Variants in B3GALNT2 observed in about 807,000 individuals in gnomAD.
B3GALNT2 encodes the protein beta-1,3-N-acetylgalactosaminyltransferase 2.
B3GALNT2 carries 53 observed loss-of-function variants against 61.1 expected under a neutral mutation model. The ratio of observed to expected loss-of-function variants is 0.87; its 90% CI spans 0.70 to 1.09. B3GALNT2 has a LOEUF of 1.09. Ranked by LOEUF, B3GALNT2 falls within the 50% of genes least tolerant of loss-of-function variation. The pLI is 0.00. For synonymous variants in B3GALNT2, 223 were observed against 237.4 expected, an observed-to-expected ratio of 0.94 and a Z score of 0.56; for missense variants, 544 against 623.0, an observed-to-expected ratio of 0.87 and a Z score of 1.35.
chr1:235,503,099 G>A (rs1469320389), intron 1 of B3GALNT2, among the ~76,000 whole-genome samples: 1 of 152,228 alleles, frequency 6.6e-6, no homozygotes, highest in African/African-American at 2.4e-5. Flanking sequence ...TTTGAGGATT[G>A]CCGAATACTT....
intron 2 of B3GALNT2, among the ~76,000 whole-genome samples, chr1:235,491,075 G>A (rs529903059): frequency 6.9e-6 from 1 of 144,894 alleles, no homozygotes; most frequent in South Asian, 2.1e-4. Flanking sequence ...CCACTACAGA[G>A]TGAATAGTTA....
At chr1:235,446,457 G>A (rs910869208), downstream of B3GALNT2, among the ~76,000 whole-genome samples, 1 of 151,998 alleles carries the variant, frequency 6.6e-6, no homozygotes, top group African/African-American at 2.4e-5. Flanking sequence ...GATTACAGGC[G>A]TGAGCCACTG....
In B3GALNT2 at chr1:235,449,020, C is replaced by T. The variant is rs566587741; in HGVS notation, c.*1186G>A. The T allele has an allele frequency of 5.2e-6, 2 of 384,404 alleles. No homozygotes were observed. The highest frequency in any genetic ancestry group is 6.1e-5 in the East Asian group (1 of 16,346). The allele number at this position is 384,404 out of a possible 1,614,324, so 23.8% of individuals were successfully genotyped here. On this transcript the variant is annotated 3_prime_UTR_variant, in exon 12 of 12. Transcript: ENST00000366600. Reference sequence around the variant, plus strand: ...ATTTTTACAGCTCATCACTGCATTTCATGATAAGATTTAAATATTAAATAG... The same window carrying T: ...ATTTTTACAGCTCATCACTGCATTTTATGATAAGATTTAAATATTAAATAG...
chr1:235,484,412 G>A lies in B3GALNT2; in HGVS notation c.465C>T (p.Ile155=), dbSNP rs138058326. The change falls in exon 4 of 12, where the codon ATC becomes ATT. Residue 155 remains isoleucine (I), a synonymous_variant. Transcript: ENST00000366600. ...AGAACACTCCAAGACTGGTAATAAC[G>A]ATGGGGTAGAGAACTCGGAAACTCA... ...VSVSFRVLYP[I]VITSLGVFYD... 4.1e-4 allele frequency: 665 copies of A among 1,614,180 alleles called. 5 individuals are homozygous for A. Among genetic ancestry groups the A allele is most frequent in the Middle Eastern group, 2.5e-3 (15 of 6,060 alleles).
Position 235,454,256 on chromosome 1 carries a change from C to G in B3GALNT2, c.1211G>C (p.Ser404Thr), listed in dbSNP as rs757947010. 3.7e-6 allele frequency: 6 copies of G among 1,613,118 alleles called. No individual in the cohort carries two copies. Among genetic ancestry groups the G allele is most frequent in the Non-Finnish European group, 5.1e-6 (6 of 1,179,274 alleles). ...TGKWQELEYP[S>T]PAYPAFACGS... Reference sequence around the variant, plus strand: ...ACATGCAAAGGCAGGGTAAGCGGGGCTCGGGTACTCCAACTCCTGCCACTT... The same window carrying G: ...ACATGCAAAGGCAGGGTAAGCGGGGGTCGGGTACTCCAACTCCTGCCACTT... Residue 404 changes from serine (S) to threonine (T), a missense_variant, in exon 10 of 12, where the codon AGC becomes ACC. Coordinates refer to ENST00000366600, the MANE Select transcript of B3GALNT2 (RefSeq NM_152490.5).
In B3GALNT2 at chr1:235,448,734, A is replaced by ATGGAGATTGTCTATT; in HGVS notation, c.*1457_*1471dup. 6.2e-7 allele frequency: 1 copy of ATGGAGATTGTCTATT among 1,614,024 alleles called. No individual in the cohort carries two copies. The highest frequency in any genetic ancestry group is 8.5e-7 in the Non-Finnish European group (1 of 1,179,910). On this transcript the variant is annotated 3_prime_UTR_variant, in exon 12 of 12. Coordinates refer to ENST00000366600, the MANE Select transcript of B3GALNT2 (RefSeq NM_152490.5). ...TCATTACAGTTTTATTCTGTGGAAAATGGAGATTGTCTATTAGTGCGATGG... is the reference window on the plus strand; with the variant it reads ...TCATTACAGTTTTATTCTGTGGAAAATGGAGATTGTCTATTTGGAGATTGTCTATTAGTGCGATGG...
downstream of B3GALNT2, among the ~76,000 whole-genome samples, chr1:235,445,546 G>A (rs537687371): frequency 3.3e-4 from 50 of 152,156 alleles, no homozygotes; most frequent in Non-Finnish European, 6.2e-4. Flanking sequence ...TGAGGTGGGA[G>A]GATCACTTGA....
At chr1:235,465,523 TA>T in intron 7 of B3GALNT2, 112 bp downstream of exon 7, 1 of 1,461,766 alleles carries the variant, frequency 6.8e-7, no homozygotes, top group Non-Finnish European at 9.2e-7. Flanking sequence ...GGGTGAATTT[TA>T]TCTGAATAAA....
chr1:235,493,226 G>C (rs1392376375), intron 2 of B3GALNT2, among the ~76,000 whole-genome samples: 1 of 152,142 alleles, frequency 6.6e-6, no homozygotes, highest in Non-Finnish European at 1.5e-5. Context: ...CTGATGGATT[G>C]GATGTGGCAG....
At chr1:235,450,659 A>C (rs1682842827) in intron 11 of B3GALNT2, 1 of 292,080 alleles carries the variant, frequency 3.4e-6, no homozygotes, top group Non-Finnish European at 6.7e-6. Flanking sequence ...AGGTGTGTCT[A>C]TGGCAGTATT....
At position 235,492,859 on chromosome 1, in the gene B3GALNT2, G is replaced by A. The variant is rs916493996; in HGVS notation, c.260+1822C>T. On this transcript the variant is annotated intron_variant, in intron 2 of 11. Transcript: ENST00000366600. ...GACGTAGGAAATGCAAAGGCCCTGA[G>A]GTAGGGGCACTTTTAGTGTATGAAA... Among the ~76,000 whole-genome samples the A allele has an allele frequency of 1.1e-4, 16 of 152,284 alleles. No homozygotes were observed. The South Asian group carries it at 1.2e-3, about 12-fold the overall frequency.
At chr1:235,469,920 CAG>C (rs1442964349) in intron 6 of B3GALNT2, among the ~76,000 whole-genome samples, 3 of 151,078 alleles carry the variant, frequency 2.0e-5, no homozygotes, top group Non-Finnish European at 4.4e-5. Context: ...TGTTTTGAGA[CAG>C]AGTCTCACTC....
chr1:235,477,586 T>C (rs746081724), intron 5 of B3GALNT2, among the ~76,000 whole-genome samples: 1 of 147,562 alleles, frequency 6.8e-6, no homozygotes. Context: ...TCAGCACCAA[T>C]GACATTTTGG....
chr1:235,440,607 T>A, the B3GALNT2 span, among the ~76,000 whole-genome samples: 1 of 151,676 alleles, frequency 6.6e-6, no homozygotes, highest in Non-Finnish European at 1.5e-5. Context: ...TTGGCCAGGC[T>A]GGTCTCAAAC....
At position 235,458,713 on chromosome 1, in the gene B3GALNT2, C is replaced by T; in HGVS notation, c.915G>A (p.Glu305=). The T allele has an allele frequency of 6.2e-7, 1 of 1,613,086 alleles. No individual in the cohort carries two copies. Among genetic ancestry groups the T allele is most frequent in the South Asian group, 1.1e-5 (1 of 90,840 alleles). The change falls in exon 8 of 12, where the codon GAG becomes GAA. Residue 305 remains glutamate (E), a synonymous_variant. Coordinates refer to ENST00000366600, the MANE Select transcript of B3GALNT2 (RefSeq NM_152490.5). ...RLIDHIRNLH[E]EDALLKEESS... ...TTTCCTCCTTCAGTAAGGCATCTTC[C>T]TCATGGAGATTCCTTATATGATCAA...
chr1:235,441,853 A>C, the B3GALNT2 span: 1 of 1,614,004 alleles, frequency 6.2e-7, no homozygotes, highest in African/African-American at 1.3e-5. Context: ...AAAACACAGC[A>C]ACCACTTATG....
chr1:235,480,905 CAAAAAAAAAAAAAAAAAAAA>C (rs55666590), intron 4 of B3GALNT2, among the ~76,000 whole-genome samples: 840 of 31,172 alleles, frequency 0.027, 8 homozygotes, highest in Non-Finnish European at 0.036. Flanking sequence ...GACTCTGTCT[CAAAAAAAAAAAAAAAAAAAA>C]AAAAAAAAAA....
chr1:235,442,192 C>T (rs544502006), downstream of B3GALNT2, among the ~76,000 whole-genome samples: 3 of 151,772 alleles, frequency 2.0e-5, no homozygotes, highest in South Asian at 2.1e-4. Context: ...TTAATCGAGA[C>T]GGAGTTTTGC....
At chr1:235,479,344 T>G (rs1370898152) in intron 5 of B3GALNT2, 1 of 152,220 alleles carries the variant, frequency 6.6e-6, no homozygotes, top group African/African-American at 2.4e-5. Context: ...CCGATTGTGG[T>G]TCCAGAGCAC....
Sources: allele counts gnomAD v4.1 joint callset (sites outside exome capture counted in the v4.1 genomes callset), GRCh38; gene constraint gnomAD v4.1.1; transcripts MANE v1.5; gene names NCBI Gene and HGNC (gene_info 2026-07-23, HGNC 2026-07-21).